CASD1: variants seen among roughly 807,000 people sequenced by gnomAD.
CASD1 encodes N-acetylneuraminate (7)9-O-acetyltransferase.
A neutral mutation model predicts 100.0 loss-of-function variants in CASD1; 41 were observed. The ratio of observed to expected loss-of-function variants is 0.41; its 90% confidence interval spans 0.32 to 0.53. The LOEUF (loss-of-function observed/expected upper bound fraction) is 0.53. Ranked by LOEUF, CASD1 falls within the 20% of genes least tolerant of loss-of-function variation. The pLI is 0.25. For missense variants in CASD1, 774 were observed against 948.7 expected, an observed-to-expected ratio of 0.82 and a Z score of 2.42; for synonymous variants, 321 against 315.6, an observed-to-expected ratio of 1.02 and a Z score of -0.18.
At chr7:94,519,056 T>A (rs1389567080) in intron 3 of CASD1, among the ~76,000 whole-genome samples, 1 of 152,158 alleles carries the variant, frequency 6.6e-6, no homozygotes, top group Admixed American at 6.5e-5. Context: ...GGGGCCTAAT[T>A]TTCTGCAAAC....
At chr7:94,594,103 A>T in the CASD1 span, among the ~76,000 whole-genome samples, 2 of 152,110 alleles carry the variant, frequency 1.3e-5, no homozygotes, top group Non-Finnish European at 2.9e-5. Flanking sequence ...ATTACTTGGA[A>T]TTAAATTTTT....
chr7:94,591,269 T>C, the CASD1 span, among the ~76,000 whole-genome samples: 1 of 152,120 alleles, frequency 6.6e-6, no homozygotes, highest in African/African-American at 2.4e-5. Flanking sequence ...CAAAATGCAA[T>C]TAGATGGGCA....
At chr7:94,615,579 C>G in the CASD1 span, among the ~76,000 whole-genome samples, 1 of 152,062 alleles carries the variant, frequency 6.6e-6, no homozygotes, top group Admixed American at 6.6e-5. Context: ...CTTTGACATA[C>G]AGCAAAAAGC....
chr7:94,630,296 T>C, the CASD1 span, among the ~76,000 whole-genome samples: 245 of 152,012 alleles, frequency 1.6e-3, no homozygotes, highest in African/African-American at 5.7e-3. Flanking sequence ...ACTATACTAA[T>C]TGTTTTCTAG....
the CASD1 span, among the ~76,000 whole-genome samples, chr7:94,572,620 G>A: frequency 1.3e-5 from 2 of 152,202 alleles, no homozygotes; most frequent in South Asian, 4.1e-4. Context: ...TATTGATGCT[G>A]GATATTAGAC....
the CASD1 span, among the ~76,000 whole-genome samples, chr7:94,580,620 T>G: frequency 0.1 from 15,919 of 152,216 alleles, 1,086 homozygotes; most frequent in South Asian, 0.18. Context: ...TTCAGTTAGA[T>G]TTGTTTTTCC....
At chr7:94,604,264 A>G in the CASD1 span, among the ~76,000 whole-genome samples, 1 of 152,122 alleles carries the variant, frequency 6.6e-6, no homozygotes, top group South Asian at 2.1e-4. Context: ...CTACAAGTAA[A>G]TACTGTTCCT....
intron 2 of CASD1, 70 bp downstream of exon 2, chr7:94,517,726 G>A: frequency 2.3e-6 from 2 of 885,864 alleles, no homozygotes; most frequent in African/African-American, 1.7e-5. Flanking sequence ...AGGGGTTGGT[G>A]AAACAGTACT....
the CASD1 span, among the ~76,000 whole-genome samples, chr7:94,577,865 A>G: frequency 6.6e-6 from 1 of 152,186 alleles, no homozygotes; most frequent in Non-Finnish European, 1.5e-5. Flanking sequence ...CAAGGGAACT[A>G]CCAGACAGGT....
intron 5 of CASD1, among the ~76,000 whole-genome samples, chr7:94,532,719 G>T (rs1562939745): frequency 6.6e-6 from 1 of 152,172 alleles, no homozygotes; most frequent in Non-Finnish European, 1.5e-5. Flanking sequence ...TTCCACATGT[G>T]GTCTTTAATA....
intron 5 of CASD1, 82 bp downstream of exon 5, chr7:94,528,332 C>A: frequency 1.0e-6 from 1 of 955,274 alleles, no homozygotes; most frequent in South Asian, 1.6e-5. Context: ...CCTTTACTCA[C>A]TTGTCCCACT....
chr7:94,527,015 G>A (rs1330307396), intron 3 of CASD1, 147 bp from the exon 4 acceptor site: 8 of 605,366 alleles, frequency 1.3e-5, no homozygotes, highest in Admixed American at 3.1e-5. Context: ...TTTCCCTTTC[G>A]GGTTGAATGT....
At chr7:94,560,913 G>A (rs1415735833), downstream of CASD1, among the ~76,000 whole-genome samples, 1 of 152,114 alleles carries the variant, frequency 6.6e-6, no homozygotes, top group Non-Finnish European at 1.5e-5. Flanking sequence ...AGGCTAAAAG[G>A]TAAATCCAGA....
chr7:94,532,340 G>A (rs1366689454), intron 5 of CASD1, among the ~76,000 whole-genome samples: 1 of 151,962 alleles, frequency 6.6e-6, no homozygotes, highest in Non-Finnish European at 1.5e-5. Context: ...TTTGAGCTTT[G>A]GGGTCATTAT....
the CASD1 span, among the ~76,000 whole-genome samples, chr7:94,631,974 G>T: frequency 1.1e-4 from 17 of 152,092 alleles, no homozygotes; most frequent in Middle Eastern, 3.4e-3. Flanking sequence ...CTAGAAGAGA[G>T]TCTGGTATAT....
chr7:94,547,653 A>G (rs1247025610), intron 13 of CASD1, among the ~76,000 whole-genome samples: 2 of 148,754 alleles, frequency 1.3e-5, no homozygotes, highest in East Asian at 3.9e-4. Flanking sequence ...ACTTTTGGTC[A>G]TTTTTTTTTT....
chr7:94,561,817 C>T (rs1796344103), downstream of CASD1, among the ~76,000 whole-genome samples: 1 of 152,054 alleles, frequency 6.6e-6, no homozygotes, highest in Non-Finnish European at 1.5e-5. Flanking sequence ...CTGTGGTTAA[C>T]AGTATTTATA....
the CASD1 span, chr7:94,588,312 T>C: frequency 1.9e-6 from 2 of 1,074,198 alleles, no homozygotes; most frequent in East Asian, 7.3e-5. Flanking sequence ...TTTCCTTTTG[T>C]AAGAGAGCTT....
chr7:94,620,206 TA>T, the CASD1 span: 1 of 152,116 alleles, frequency 6.6e-6, no homozygotes, highest in Admixed American at 6.5e-5. Flanking sequence ...AGCATCCTAT[TA>T]AAGGACATTT....
Sources: allele counts gnomAD v4.1 joint callset (sites outside exome capture counted in the v4.1 genomes callset), GRCh38; gene constraint gnomAD v4.1.1; transcripts MANE v1.5; gene names NCBI Gene and HGNC (gene_info 2026-07-23, HGNC 2026-07-21).